Variants in LIAT1 observed in about 807,000 individuals in gnomAD.
LIAT1 encodes protein LIAT1.
chr17:410,444 C>T, the LIAT1 span: 3 of 1,538,634 alleles, frequency 1.9e-6, no homozygotes, highest in African/African-American at 1.4e-5. Context: ...TGCAGCCCAG[C>T]GGGCGGCTGG....
At chr17:413,761 C>T in the LIAT1 span, 2 of 1,594,534 alleles carry the variant, frequency 1.3e-6, no homozygotes, top group African/African-American at 2.9e-5. Context: ...AGGGCTTCCA[C>T]CCCGACCCCA....
At chr17:411,501 T>C in the LIAT1 span, among the ~76,000 whole-genome samples, 2 of 152,096 alleles carry the variant, frequency 1.3e-5, no homozygotes, top group African/African-American at 4.8e-5. Flanking sequence ...ACCATTGCAC[T>C]CCAGCCTGGG....
chr17:410,419 C>G, the LIAT1 span: 222 of 1,533,288 alleles, frequency 1.4e-4, no homozygotes, highest in East Asian at 2.4e-3. Context: ...CGGGCGCCCC[C>G]GGGGCGGGTT....
At chr17:410,956 G>A in the LIAT1 span, among the ~76,000 whole-genome samples, 43,401 of 151,926 alleles carry the variant, frequency 0.29, 8,040 homozygotes, top group African/African-American at 0.53. Context: ...AAAACTGGCA[G>A]TCTTAAACGT....
the LIAT1 span, chr17:410,357 C>A: frequency 3.3e-6 from 5 of 1,499,328 alleles, no homozygotes; most frequent in South Asian, 2.7e-5. Context: ...AGACGCGTGG[C>A]CCTGGCCTGG....
the LIAT1 span, among the ~76,000 whole-genome samples, chr17:411,357 A>G: frequency 6.6e-6 from 1 of 152,164 alleles, no homozygotes; most frequent in South Asian, 2.1e-4. Context: ...CCCACCTTCT[A>G]TCAATGTAAC....
chr17:412,105 C>T, the LIAT1 span, among the ~76,000 whole-genome samples: 4 of 152,188 alleles, frequency 2.6e-5, no homozygotes, highest in African/African-American at 9.6e-5. Flanking sequence ...ATGGCTCACG[C>T]CTGTAATCCC....
the LIAT1 span, among the ~76,000 whole-genome samples, chr17:411,442 G>A: frequency 6.6e-6 from 1 of 152,178 alleles, no homozygotes; most frequent in Non-Finnish European, 1.5e-5. Flanking sequence ...GCCGAGGTGG[G>A]AGGATCACTT....
chr17:414,079 T>A, the LIAT1 span: 1 of 1,614,210 alleles, frequency 6.2e-7, no homozygotes. This position sits in a 1 kb window ranked among gnomAD's most constrained non-coding sequence, Gnocchi z 4.1. Context: ...CCCCAAAGCT[T>A]CTACACTCTG....
At chr17:413,800 C>T in the LIAT1 span, 3 of 1,544,574 alleles carry the variant, frequency 1.9e-6, no homozygotes, top group Non-Finnish European at 1.7e-6. Flanking sequence ...ACACTGACCC[C>T]GAGGCCCTCA....
At chr17:413,397 G>C in the LIAT1 span, 1 of 1,614,108 alleles carries the variant, frequency 6.2e-7, no homozygotes, top group Admixed American at 1.7e-5. Flanking sequence ...GAGAAGGAAA[G>C]GATTCGCATC....
chr17:410,550 C>G, the LIAT1 span: 1 of 1,546,754 alleles, frequency 6.5e-7, no homozygotes, highest in South Asian at 1.2e-5. Context: ...GGGGTCTAGA[C>G]TGCCCCCCAT....
At chr17:413,741 A>G in the LIAT1 span, 5,688 of 991,878 alleles carry the variant, frequency 5.7e-3, 139 homozygotes, top group Middle Eastern at 0.014. Context: ...CCCCGACCCC[A>G]AGGCCCTCAA....
At chr17:413,297 A>T in the LIAT1 span, 3 of 1,614,132 alleles carry the variant, frequency 1.9e-6, no homozygotes, top group African/African-American at 4.0e-5. Flanking sequence ...CTCCACCGTC[A>T]GCCTCCCCGA....
chr17:410,331 G>C, the LIAT1 span: 2 of 1,459,276 alleles, frequency 1.4e-6, no homozygotes, highest in Non-Finnish European at 1.8e-6. Context: ...AGGCGCAGCA[G>C]GGGTGGTCGC....
the LIAT1 span, among the ~76,000 whole-genome samples, chr17:411,383 A>AAAGGGCGGGACGCAG: frequency 3.9e-5 from 6 of 152,332 alleles, no homozygotes; most frequent in African/African-American, 1.2e-4. Flanking sequence ...CAGTGAAACT[A>AAAGGGCGGGACGCAG]AAGGGCGGGA....
At chr17:413,085 C>T in the LIAT1 span, 3 of 1,563,176 alleles carry the variant, frequency 1.9e-6, no homozygotes, top group African/African-American at 1.4e-5. Flanking sequence ...GATTTTGGCA[C>T]CATCCCCAGC....
chr17:410,651 G>C, the LIAT1 span: 1 of 1,538,774 alleles, frequency 6.5e-7, no homozygotes. Context: ...GGGACGGTAA[G>C]AGGAGCAGCT....
At chr17:413,876 T>A in the LIAT1 span, 2 of 1,593,344 alleles carry the variant, frequency 1.3e-6, no homozygotes, top group East Asian at 2.3e-5. Flanking sequence ...CCTCAAGGGC[T>A]TCCACCCCGA....
Sources: gnomAD v4.1 joint callset for allele counts (sites outside exome capture counted in the v4.1 genomes callset) on GRCh38, gnomAD v4.1.1 for gene constraint, Gnocchi (gnomAD v3.1) non-coding constraint, MANE v1.5 for transcripts, NCBI Gene and HGNC (gene_info 2026-07-23, HGNC 2026-07-21) for gene names.